The following CTNNA3 variants were observed in gnomAD, a reference collection of about 807,000 sequenced individuals.
CTNNA3 encodes the protein catenin alpha 3, also known as catenin alpha-3.
In CTNNA3, 76 loss-of-function variants were observed where a neutral mutation model predicts 95.7. The observed-to-expected ratio is 0.79, with a 90% confidence interval of 0.66 to 0.96. The LOEUF is 0.96. CTNNA3 is among the 40% of genes least tolerant of loss of function. The pLI, the probability that CTNNA3 is intolerant of heterozygous loss-of-function variation, is 0.00. For missense variants in CTNNA3, 1,191 were observed against 1,089.8 expected (o/e 1.09, Z -1.31); for synonymous variants, 431 against 374.4 (o/e 1.15, Z -1.74).
intron 13 of CTNNA3, among the ~76,000 whole-genome samples, chr10:66,145,462 A>T (rs16922537): frequency 0.11 from 16,658 of 152,132 alleles, 1,245 homozygotes; most frequent in African/African-American, 0.21. Context: ...CATTGAAAGG[A>T]CTCCAGGAAA....
chr10:67,433,186 T>C (rs7918884), intron 5 of CTNNA3, among the ~76,000 whole-genome samples: 105,331 of 151,752 alleles, frequency 0.69, 41,246 homozygotes, highest in Non-Finnish European at 0.87. Context: ...GGGTTATTAA[T>C]TGACCTAATT....
At chr10:67,122,950 T>C (rs1014298400) in intron 7 of CTNNA3, among the ~76,000 whole-genome samples, 15 of 152,116 alleles carry the variant, frequency 9.9e-5, no homozygotes, top group African/African-American at 3.4e-4. Flanking sequence ...TTGATTGTTG[T>C]TTGTTGTTAC....
chr10:66,765,251 T>C (rs1839796691), intron 9 of CTNNA3, among the ~76,000 whole-genome samples: 1 of 152,208 alleles, frequency 6.6e-6, no homozygotes, highest in African/African-American at 2.4e-5. Flanking sequence ...TCTTTTTCAG[T>C]AGATGTTATA....
chr10:66,422,455 G>A (rs1202543182), intron 11 of CTNNA3, among the ~76,000 whole-genome samples: 2 of 151,996 alleles, frequency 1.3e-5, no homozygotes, highest in Non-Finnish European at 2.9e-5. Flanking sequence ...TCTAACAAAA[G>A]GATATAAATA....
At chr10:66,122,787 GCAGA>G (rs2082637677) in intron 13 of CTNNA3, among the ~76,000 whole-genome samples, 1 of 152,202 alleles carries the variant, frequency 6.6e-6, no homozygotes, top group African/African-American at 2.4e-5. Flanking sequence ...ATGGATGGCA[GCAGA>G]CAAAGAGAGA....
At chr10:65,965,956 T>C (rs1223611984) in intron 17 of CTNNA3, among the ~76,000 whole-genome samples, 1 of 152,156 alleles carries the variant, frequency 6.6e-6, no homozygotes, top group Non-Finnish European at 1.5e-5. Flanking sequence ...GAATCCAATA[T>C]AGATATCAAA....
At chr10:67,550,244 GA>G (rs1323802005) in intron 3 of CTNNA3, among the ~76,000 whole-genome samples, 1 of 152,068 alleles carries the variant, frequency 6.6e-6, no homozygotes, top group Non-Finnish European at 1.5e-5. Flanking sequence ...AGCATCTCAG[GA>G]ATTTCCCATA....
rs566396534 is a variant in CTNNA3, at chr10:67,634,336, A to G, written c.99+13079T>C. Among the ~76,000 whole-genome samples, 3 of 152,360 alleles carry G rather than the reference A, an allele frequency of 2.0e-5. No individual in the cohort carries two copies. In the South Asian group the frequency reaches 6.2e-4, roughly 32 times the overall value. On this transcript the variant is annotated intron_variant, in intron 2 of 17. Coordinates refer to ENST00000433211, the MANE Select transcript of CTNNA3 (RefSeq NM_013266.4). ...CAAGAGCTCCTAAAGGAAGCACTAAATATGGAAAAGAAAAAGCATTATCAG... is the reference window on the plus strand; with the variant it reads ...CAAGAGCTCCTAAAGGAAGCACTAAGTATGGAAAAGAAAAAGCATTATCAG...
intron 14 of CTNNA3, among the ~76,000 whole-genome samples, chr10:66,082,931 AT>A (rs144522444): frequency 0.055 from 8,302 of 152,102 alleles, 336 homozygotes; most frequent in Non-Finnish European, 0.079. Context: ...CTTTTTAAGT[AT>A]TGTCATATAT....
chr10:67,408,882 C>A (rs200010693), intron 5 of CTNNA3, among the ~76,000 whole-genome samples: 1,228 of 97,068 alleles, frequency 0.013, no homozygotes, highest in East Asian at 0.017. Flanking sequence ...CTTAAATTTA[C>A]AAAAAAAAAA....
intron 17 of CTNNA3, 78 bp downstream of exon 17, chr10:65,966,534 G>T: frequency 8.3e-7 from 1 of 1,200,284 alleles, no homozygotes; most frequent in Non-Finnish European, 1.1e-6. Context: ...AAAAGATTTG[G>T]TCATGTAAAC....
chr10:67,609,819 A>T (rs1843400116), intron 2 of CTNNA3, among the ~76,000 whole-genome samples: 1 of 152,210 alleles, frequency 6.6e-6, no homozygotes, highest in Admixed American at 6.5e-5. Context: ...ATCTAAGTTT[A>T]TCTTGCTCTT....
intron 9 of CTNNA3, 196 bp downstream of exon 9, chr10:66,766,068 G>A (rs114163949): frequency 0.012 from 5,321 of 449,280 alleles, 80 homozygotes; most frequent in East Asian, 0.042. Flanking sequence ...TAAAATATGT[G>A]TTTAAAAAAT....
At chr10:66,851,724 C>G (rs945027732) in intron 7 of CTNNA3, among the ~76,000 whole-genome samples, 2 of 151,734 alleles carry the variant, frequency 1.3e-5, no homozygotes, top group African/African-American at 4.8e-5. Flanking sequence ...TGTAATCTTC[C>G]CATGGCCTTA....
At position 66,452,562 on chromosome 10, in the gene CTNNA3, C is replaced by A. The variant is rs547970159; in HGVS notation, c.1531+68055G>T. 1.1e-4 allele frequency among the ~76,000 whole-genome samples: 16 copies of A among 152,230 alleles called. No individual in the cohort carries two copies. In the South Asian group the frequency reaches 2.5e-3, roughly 24 times the overall value. On this transcript the variant is annotated intron_variant, in intron 11 of 17. Coordinates refer to ENST00000433211, the MANE Select transcript of CTNNA3 (RefSeq NM_013266.4). Reference sequence around the variant, plus strand: ...GATAACAGCTCCTTCTTGGACAAAACCCCTCATTGCTTGGAGATCAGACTT... The same window carrying A: ...GATAACAGCTCCTTCTTGGACAAAAACCCTCATTGCTTGGAGATCAGACTT...
At chr10:66,977,204 C>T (rs1232828387) in intron 7 of CTNNA3, among the ~76,000 whole-genome samples, 3 of 151,950 alleles carry the variant, frequency 2.0e-5, no homozygotes, top group South Asian at 2.1e-4. Flanking sequence ...TTTGGGAGGC[C>T]GAGGCAGGTG....
At chr10:67,603,328 G>A (rs1843148147) in intron 3 of CTNNA3, among the ~76,000 whole-genome samples, 1 of 152,102 alleles carries the variant, frequency 6.6e-6, no homozygotes, top group Non-Finnish European at 1.5e-5. Flanking sequence ...GGTCCCATAG[G>A]AATATAGTAG....
intron 5 of CTNNA3, among the ~76,000 whole-genome samples, chr10:67,362,332 A>G (rs1589215598): frequency 6.6e-6 from 1 of 152,054 alleles, no homozygotes; most frequent in African/African-American, 2.4e-5. Flanking sequence ...AAAGAAAACT[A>G]CAGGCCAACA....
intron 5 of CTNNA3, among the ~76,000 whole-genome samples, chr10:67,506,718 G>A (rs898626888): frequency 2.0e-5 from 3 of 152,150 alleles, no homozygotes; most frequent in Non-Finnish European, 2.9e-5. Flanking sequence ...CAAGGACACC[G>A]TAACAGTCAT....
Sources: gnomAD v4.1 joint callset for allele counts (sites outside exome capture counted in the v4.1 genomes callset) on GRCh38, gnomAD v4.1.1 for gene constraint, MANE v1.5 for transcripts, NCBI Gene and HGNC (gene_info 2026-07-23, HGNC 2026-07-21) for gene names.